The following GPHN variants were observed in gnomAD, a reference collection of about 807,000 sequenced individuals.
GPHN encodes gephyrin.
In GPHN, 17 loss-of-function variants were observed where a neutral mutation model predicts 95.5. The observed-to-expected ratio is 0.18, with a 90% CI of 0.12 to 0.27. The LOEUF (loss-of-function observed/expected upper bound fraction) is 0.27. GPHN is among the 10% of genes least tolerant of loss of function. The pLI, the probability that GPHN is intolerant of heterozygous loss-of-function variation, is 1.00. For missense variants in GPHN, 660 were observed against 978.1 expected, an observed-to-expected ratio of 0.67 and a Z score of 4.34; for synonymous variants, 320 against 322.5, an observed-to-expected ratio of 0.99 and a Z score of 0.08.
the GPHN span, among the ~76,000 whole-genome samples, chr14:67,605,626 C>G: frequency 6.6e-6 from 1 of 152,122 alleles, no homozygotes; most frequent in Admixed American, 6.6e-5. Context: ...AGTATTTCCT[C>G]TTTACAAAAG....
At chr14:66,839,392 C>T (rs1489228206) in intron 4 of GPHN, among the ~76,000 whole-genome samples, 1 of 152,192 alleles carries the variant, frequency 6.6e-6, no homozygotes, top group Non-Finnish European at 1.5e-5. Flanking sequence ...AGCTTCTTCA[C>T]TCCTTTCTAT....
chr14:66,940,115 G>T (rs2067334386), intron 8 of GPHN, among the ~76,000 whole-genome samples: 1 of 151,820 alleles, frequency 6.6e-6, no homozygotes, highest in South Asian at 2.1e-4. Flanking sequence ...AAGCCAATCA[G>T]TTTAAGGTTT....
At chr14:67,464,541 C>G in the GPHN span, among the ~76,000 whole-genome samples, 1 of 152,138 alleles carries the variant, frequency 6.6e-6, no homozygotes, top group Non-Finnish European at 1.5e-5. Context: ...GCCACACCAG[C>G]CTTTTATCTG....
chr14:67,100,825 T>C lies in GPHN; in HGVS notation c.1238-31T>C, dbSNP rs41285532. The C allele has an allele frequency of 0.015, 21,882 of 1,466,740 alleles. 206 individuals carry two copies. The highest frequency in any genetic ancestry group is 0.018 in the Non-Finnish European group (18,528 of 1,045,242). 90.9% of individuals were successfully genotyped at this position (1,466,740 alleles called of 1,614,324 possible). A position where few individuals can be genotyped will look rare whatever the true frequency, so the allele number is the denominator to read the frequency against. On this transcript the variant is annotated intron_variant, in intron 12 of 22. Transcript: ENST00000478722. ...GTTCCATGCTGTAGGTCCATACTGA[T>C]GTTTGTTCTTGGCTCTGTTCCATCT... is the stretch of plus-strand genomic sequence containing the variant.
At chr14:66,655,142 G>A (rs2065239913) in intron 1 of GPHN, among the ~76,000 whole-genome samples, 1 of 152,022 alleles carries the variant, frequency 6.6e-6, no homozygotes. Context: ...TATTGTCTAT[G>A]TATACTAAAA....
At chr14:66,689,981 A>G (rs1251270265) in intron 2 of GPHN, among the ~76,000 whole-genome samples, 2 of 150,974 alleles carry the variant, frequency 1.3e-5, no homozygotes, top group East Asian at 3.9e-4. Flanking sequence ...TGGCAATTTT[A>G]TTGATCTTTT....
At chr14:66,647,497 A>G (rs926403520) in intron 1 of GPHN, among the ~76,000 whole-genome samples, 2 of 151,880 alleles carry the variant, frequency 1.3e-5, no homozygotes, top group Admixed American at 1.3e-4. Context: ...TCTGCAAGGG[A>G]TACATTCCAA....
chr14:67,257,431 C>G, the GPHN span, among the ~76,000 whole-genome samples: 2 of 152,082 alleles, frequency 1.3e-5, no homozygotes, highest in African/African-American at 4.8e-5. Context: ...TAGTTCCCAG[C>G]TTGACTTTTC....
At chr14:67,244,181 A>G in the GPHN span, among the ~76,000 whole-genome samples, 2 of 152,178 alleles carry the variant, frequency 1.3e-5, no homozygotes, top group Non-Finnish European at 2.9e-5. Context: ...GTTTTTTAAT[A>G]TTTCAAACAA....
chr14:67,378,775 A>C, the GPHN span, among the ~76,000 whole-genome samples: 1 of 152,160 alleles, frequency 6.6e-6, no homozygotes, highest in Non-Finnish European at 1.5e-5. Context: ...GATTTAACTA[A>C]TGCTAGTTCT....
At chr14:66,776,897 A>G (rs1269560561) in intron 3 of GPHN, among the ~76,000 whole-genome samples, 2 of 151,768 alleles carry the variant, frequency 1.3e-5, no homozygotes, top group Non-Finnish European at 1.5e-5. Context: ...TTTTTAAATT[A>G]TTATTATACT....
At chr14:67,376,092 TAAC>T in the GPHN span, among the ~76,000 whole-genome samples, 7 of 152,226 alleles carry the variant, frequency 4.6e-5, no homozygotes, top group African/African-American at 1.4e-4. Flanking sequence ...GGAGTAATAA[TAAC>T]AACTTGTATT....
At chr14:67,419,585 G>A in the GPHN span, among the ~76,000 whole-genome samples, 1 of 152,062 alleles carries the variant, frequency 6.6e-6, no homozygotes, top group African/African-American at 2.4e-5. Context: ...CATCCAGGCG[G>A]GGGGCGGTGG....
the GPHN span, among the ~76,000 whole-genome samples, chr14:67,499,177 A>AT: frequency 6.6e-6 from 1 of 150,928 alleles, no homozygotes; most frequent in Non-Finnish European, 1.5e-5. Flanking sequence ...TAATTTCTTA[A>AT]TTTTTTTGTA....
intron 1 of GPHN, 130 bp from the exon 2 acceptor site, chr14:66,680,977 A>C (rs1279755966): frequency 4.7e-6 from 3 of 641,518 alleles, no homozygotes; most frequent in East Asian, 5.5e-5. Flanking sequence ...AAATAAATCA[A>C]TAGTAATGTT....
chr14:66,793,122 G>A (rs1476418784), intron 3 of GPHN, among the ~76,000 whole-genome samples: 1 of 152,256 alleles, frequency 6.6e-6, no homozygotes, highest in Non-Finnish European at 1.5e-5. Flanking sequence ...ATGTCACAGT[G>A]CTGCAGAGAT....
chr14:67,462,214 A>T, the GPHN span, among the ~76,000 whole-genome samples: 1 of 152,218 alleles, frequency 6.6e-6, no homozygotes, highest in Admixed American at 6.5e-5. Flanking sequence ...AGATATGATC[A>T]CAGGTGATGG....
chr14:67,644,474 G>A, the GPHN span, among the ~76,000 whole-genome samples: 1 of 152,308 alleles, frequency 6.6e-6, no homozygotes, highest in Admixed American at 6.5e-5. Flanking sequence ...CCCAACCAGT[G>A]TGGGACATGG....
At chr14:66,929,059 T>C (rs554196841) in intron 8 of GPHN, among the ~76,000 whole-genome samples, 1 of 151,306 alleles carries the variant, frequency 6.6e-6, no homozygotes, top group Non-Finnish European at 1.5e-5. Flanking sequence ...TGTTTCTTTT[T>C]TTTTTTTTTT....
Sources: gnomAD v4.1 joint callset for allele counts (sites outside exome capture counted in the v4.1 genomes callset) on GRCh38, gnomAD v4.1.1 for gene constraint, MANE v1.5 for transcripts, NCBI Gene and HGNC (gene_info 2026-07-23, HGNC 2026-07-21) for gene names.